DNER: variants seen among roughly 807,000 people sequenced by gnomAD.
The protein encoded by DNER is delta/notch like EGF repeat containing, also known as delta and Notch-like epidermal growth factor-related receptor.
In DNER, 33 loss-of-function variants were observed where a neutral mutation model predicts 78.2. That is an observed-to-expected ratio of 0.42 (90% CI 0.32 to 0.56). The LOEUF (loss-of-function observed/expected upper bound fraction) is 0.56. Among genes scored for constraint, DNER ranks in the 20% least tolerant of loss-of-function variants. The probability of loss-of-function intolerance (pLI) is 0.11; values close to 1 mark genes in which losing one functional copy is unlikely to be tolerated. For missense variants in DNER, 918 were observed against 975.3 expected (o/e 0.94, Z 0.78); for synonymous variants, 417 against 384.8 (o/e 1.08, Z -0.98).
intron 6 of DNER, among the ~76,000 whole-genome samples, chr2:229,485,737 G>T (rs955053558): frequency 1.3e-5 from 2 of 151,990 alleles, no homozygotes; most frequent in Admixed American, 6.6e-5. Context: ...TCAGTTGTGG[G>T]CATTTTTAAA....
intron 9 of DNER, among the ~76,000 whole-genome samples, chr2:229,411,275 G>T (rs1398855990): frequency 1.3e-5 from 2 of 152,166 alleles, no homozygotes; most frequent in Non-Finnish European, 2.9e-5. Flanking sequence ...AGTAGGTACA[G>T]GCCAGGCAGA....
intron 1 of DNER, among the ~76,000 whole-genome samples, chr2:229,634,342 A>T (rs1013310605): frequency 6.6e-6 from 1 of 151,888 alleles, no homozygotes; most frequent in East Asian, 1.9e-4. Context: ...TGAGGAGGAA[A>T]TTGAGAGGCA....
chr2:229,528,021 T>C (rs961646749), intron 5 of DNER, among the ~76,000 whole-genome samples: 2 of 152,226 alleles, frequency 1.3e-5, no homozygotes, highest in Non-Finnish European at 2.9e-5. Flanking sequence ...AAAAATTACA[T>C]GCCAGTGAAT....
chr2:229,675,940 G>A (rs540926909), intron 1 of DNER, among the ~76,000 whole-genome samples: 42 of 152,222 alleles, frequency 2.8e-4, no homozygotes, highest in Middle Eastern at 3.4e-3. Flanking sequence ...CTGGTGCATC[G>A]GGGACATCTC....
At chr2:229,710,364 T>C (rs1699891575) in intron 1 of DNER, among the ~76,000 whole-genome samples, 1 of 152,220 alleles carries the variant, frequency 6.6e-6, no homozygotes, top group Non-Finnish European at 1.5e-5. Flanking sequence ...TATAGCCCTG[T>C]ATCAAGCCAG....
chr2:229,687,821 C>G (rs1045536544), intron 1 of DNER, among the ~76,000 whole-genome samples: 4 of 152,200 alleles, frequency 2.6e-5, no homozygotes, highest in Non-Finnish European at 4.4e-5. Flanking sequence ...TAATTTCACA[C>G]AATATTTACA....
In DNER at chr2:229,595,494, C is replaced by T. The variant is rs550273070; in HGVS notation, c.277-3606G>A. 1.1e-4 allele frequency among the ~76,000 whole-genome samples: 17 copies of T among 152,248 alleles called. No homozygotes were observed. The East Asian group carries it at 3.1e-3, about 28-fold the overall frequency. ...ACGAGGTTTCACCATGTTGGCCAGGCTGGTCTCAAACTCCTGACCTCAGGT... is the reference window on the plus strand; with the variant it reads ...ACGAGGTTTCACCATGTTGGCCAGGTTGGTCTCAAACTCCTGACCTCAGGT... On this transcript the variant is annotated intron_variant, in intron 1 of 12. Transcript: ENST00000341772.
intron 1 of DNER, among the ~76,000 whole-genome samples, chr2:229,660,651 C>T (rs771798872): frequency 6.6e-6 from 1 of 152,152 alleles, no homozygotes; most frequent in South Asian, 2.1e-4. Flanking sequence ...TCAAGTCACC[C>T]TAATTTGCAA....
At chr2:229,546,463 C>T (rs76878029) in intron 5 of DNER, among the ~76,000 whole-genome samples, 1 of 152,240 alleles carries the variant, frequency 6.6e-6, no homozygotes, top group Non-Finnish European at 1.5e-5. Flanking sequence ...AGGCTGGGCA[C>T]AGTGGCTCAT....
chr2:229,536,839 G>C (rs186723311), intron 5 of DNER, among the ~76,000 whole-genome samples: 1 of 152,152 alleles, frequency 6.6e-6, no homozygotes, highest in Non-Finnish European at 1.5e-5. Context: ...TCCTGGAGGC[G>C]TATGAAGGCT....
At chr2:229,568,934 T>C (rs934143351) in intron 4 of DNER, among the ~76,000 whole-genome samples, 7 of 152,210 alleles carry the variant, frequency 4.6e-5, no homozygotes, top group African/African-American at 1.4e-4. Context: ...TATGTGCATA[T>C]ACATGTCTGT....
chr2:229,462,611 T>C (rs1002298759), intron 7 of DNER, among the ~76,000 whole-genome samples: 12 of 152,154 alleles, frequency 7.9e-5, no homozygotes, highest in Admixed American at 2.6e-4. Flanking sequence ...GCTCCCATTA[T>C]AACAGTTTTC....
At chr2:229,548,971 A>G (rs1053313149) in intron 4 of DNER, among the ~76,000 whole-genome samples, 6 of 152,230 alleles carry the variant, frequency 3.9e-5, no homozygotes, top group Non-Finnish European at 5.9e-5. Context: ...TTTATAATGC[A>G]TAAAACCAGC....
intron 1 of DNER, among the ~76,000 whole-genome samples, chr2:229,675,019 A>G (rs971078611): frequency 1.3e-5 from 2 of 152,198 alleles, no homozygotes; most frequent in African/African-American, 4.8e-5. Flanking sequence ...ATTGTTCTGG[A>G]AGGTGGCCAT....
intron 5 of DNER, among the ~76,000 whole-genome samples, chr2:229,531,148 A>C (rs556158666): frequency 6.6e-6 from 1 of 152,346 alleles, no homozygotes; most frequent in East Asian, 1.9e-4. Context: ...CAGATATGTC[A>C]GCTCTGCCCT....
At chr2:229,613,108 G>A (rs919016696) in intron 1 of DNER, among the ~76,000 whole-genome samples, 2 of 152,036 alleles carry the variant, frequency 1.3e-5, no homozygotes, top group African/African-American at 2.4e-5. Context: ...AGCTCTTCAG[G>A]GAAGATTTTC....
intron 7 of DNER, among the ~76,000 whole-genome samples, chr2:229,466,828 C>T (rs1409674931): frequency 1.3e-5 from 2 of 152,024 alleles, no homozygotes; most frequent in African/African-American, 4.8e-5. Flanking sequence ...ATTACAAAAG[C>T]GAATACACAG....
At chr2:229,529,382 CT>C (rs1696263496) in intron 5 of DNER, among the ~76,000 whole-genome samples, 2 of 152,162 alleles carry the variant, frequency 1.3e-5, no homozygotes, top group South Asian at 4.1e-4. Context: ...AACCACGACC[CT>C]TGCCATTCAG....
At chr2:229,469,209 C>T (rs775745696) in intron 7 of DNER, among the ~76,000 whole-genome samples, 1 of 152,120 alleles carries the variant, frequency 6.6e-6, no homozygotes, top group Non-Finnish European at 1.5e-5. Context: ...GCCCAGAGCC[C>T]CATGAGGGAC....
Sources: gnomAD v4.1 joint callset for allele counts (sites outside exome capture counted in the v4.1 genomes callset) on GRCh38, gnomAD v4.1.1 for gene constraint, MANE v1.5 for transcripts, NCBI Gene and HGNC (gene_info 2026-07-23, HGNC 2026-07-21) for gene names.